Variants in OSBPL3 observed in about 807,000 individuals in gnomAD.
OSBPL3 encodes the protein oxysterol-binding protein-related protein 3.
In OSBPL3, 65 loss-of-function variants were observed where a neutral mutation model predicts 120.1. That is an observed-to-expected ratio of 0.54 (90% CI 0.44 to 0.67). The LOEUF (loss-of-function observed/expected upper bound fraction) is 0.67, where lower values mean the gene tolerates loss of function less well. Among genes scored for constraint, OSBPL3 ranks in the 30% least tolerant of loss-of-function variants. The pLI, the probability that OSBPL3 is intolerant of heterozygous loss-of-function variation, is 0.00. For synonymous variants in OSBPL3, 416 were observed against 402.6 expected, an observed-to-expected ratio of 1.03 and a Z score of -0.40; for missense variants, 1,004 against 1,082.1, an observed-to-expected ratio of 0.93 and a Z score of 1.01.
At chr7:24,828,967 T>G (rs1584273601) in intron 16 of OSBPL3, among the ~76,000 whole-genome samples, 2 of 152,322 alleles carry the variant, frequency 1.3e-5, no homozygotes, top group Admixed American at 6.5e-5. Context: ...CCTCTTTCTG[T>G]CTTTGTGCAC....
At chr7:24,928,913 C>G (rs556880026) in intron 1 of OSBPL3, among the ~76,000 whole-genome samples, 46 of 152,320 alleles carry the variant, frequency 3.0e-4, no homozygotes, top group Non-Finnish European at 6.0e-4. Flanking sequence ...TGTTCACCAG[C>G]TGATGAACAT....
At position 24,955,508 on chromosome 7, in the gene OSBPL3, C is replaced by A. The variant is rs915056489; in HGVS notation, c.-150+24378G>T. 3.3e-5 allele frequency among the ~76,000 whole-genome samples: 5 copies of A among 152,192 alleles called. No individual in the cohort carries two copies. The highest frequency in any genetic ancestry group is 1.2e-4 in the African/African-American group (5 of 41,450). On this transcript the variant is annotated intron_variant, in intron 1 of 22. Transcript: ENST00000313367. This position sits in a 1 kb window ranked among gnomAD's most constrained non-coding sequence, Gnocchi z 4.3. ...AGAGGCTACTGGGGTGGCCTCAGGG[C>A]CTTTGCACTTCTTGTTTTCTCTAAG...
chr7:24,948,571 C>A (rs1410344526), intron 1 of OSBPL3, among the ~76,000 whole-genome samples: 1 of 152,174 alleles, frequency 6.6e-6, no homozygotes, highest in African/African-American at 2.4e-5. Flanking sequence ...CTTCTTCCAG[C>A]CCTATTCTAT....
chr7:24,958,621 T>A (rs1815355464), intron 1 of OSBPL3, among the ~76,000 whole-genome samples: 5 of 152,186 alleles, frequency 3.3e-5, no homozygotes, highest in Admixed American at 3.3e-4. Context: ...TTTTAACACT[T>A]CATAACAGTA....
At chr7:24,810,302 T>C in intron 19 of OSBPL3, 1 of 173,904 alleles carries the variant, frequency 5.8e-6, no homozygotes, top group Non-Finnish European at 1.2e-5. Flanking sequence ...GGCAGGCAGA[T>C]CACCTAAGGT....
At chr7:24,812,930 G>A (rs955911185) in intron 19 of OSBPL3, among the ~76,000 whole-genome samples, 3 of 152,220 alleles carry the variant, frequency 2.0e-5, no homozygotes, top group Admixed American at 6.5e-5. Flanking sequence ...CCAGAGTAGA[G>A]TGCAGTGGTG....
rs1438194373 is a variant in OSBPL3 at position 24,830,825 on chromosome 7, A to T, written c.1827T>A (p.Leu609=). 1 of 1,614,142 alleles carries T rather than the reference A, an allele frequency of 6.2e-7. No homozygotes were observed. The highest frequency in any genetic ancestry group is 1.7e-5 in the Admixed American group (1 of 60,022). Residue 609 remains leucine (L), a synonymous_variant, in exon 16 of 23, where the codon CTT becomes CTA. Transcript: ENST00000313367. This position sits in a 1 kb window ranked among gnomAD's most constrained non-coding sequence, Gnocchi z 4.4. ...CCCGAATACATTCATATGTTTCTCC[A>T]AGAACCGGATTAAATGGCTTGCTTC... ...RAGSKPFNPV[L]GETYECIRED...
Position 24,804,566 on chromosome 7 carries a change from A to G in OSBPL3, c.2445-129T>C. 1 of 760,352 alleles carries G rather than the reference A, an allele frequency of 1.3e-6. No homozygotes were observed. The highest frequency in any genetic ancestry group is 2.1e-6 in the Non-Finnish European group (1 of 476,642). The allele number at this position is 760,352 out of a possible 1,614,324, so 47.1% of individuals were successfully genotyped here. ...TCTCCTATACGTAAGACCCCGCCCC[A>G]ACCGTTTAATCCGTATCTTGAAGTA... On this transcript the variant is annotated intron_variant, in intron 21 of 22. Coordinates refer to ENST00000313367, the MANE Select transcript of OSBPL3 (RefSeq NM_015550.4). This position sits in a 1 kb window ranked among gnomAD's most constrained non-coding sequence, Gnocchi z 5.4.
chr7:24,800,709 G>A (rs1792213940), intron 22 of OSBPL3, among the ~76,000 whole-genome samples: 1 of 151,870 alleles, frequency 6.6e-6, no homozygotes, highest in East Asian at 2.0e-4. Flanking sequence ...CACCCACTTC[G>A]GACTCCCAAA....
chr7:24,874,631 T>A (rs1413536310), intron 2 of OSBPL3, among the ~76,000 whole-genome samples: 1 of 152,144 alleles, frequency 6.6e-6, no homozygotes, highest in Non-Finnish European at 1.5e-5. Context: ...TTAAAGCACA[T>A]CTGTTGGCCC....
chr7:24,968,794 T>C lies in OSBPL3; in HGVS notation c.-150+11092A>G, dbSNP rs1816680865. The stretch of plus-strand genomic sequence containing the variant: ...TAAAATATATATTATATATGGATAT[T>C]CTATACTTCACTTTTTTCTTAACTT... On this transcript the variant is annotated intron_variant, in intron 1 of 22. Transcript: ENST00000313367. This position sits in a 1 kb window ranked among gnomAD's most constrained non-coding sequence, Gnocchi z 4.6. Among the ~76,000 whole-genome samples the C allele has an allele frequency of 6.6e-6, 1 of 152,204 alleles. No individual in the cohort carries two copies. The highest frequency in any genetic ancestry group is 2.1e-4 in the South Asian group (1 of 4,834).
intron 1 of OSBPL3, among the ~76,000 whole-genome samples, chr7:24,979,332 T>C (rs1008436677): frequency 1.3e-5 from 2 of 150,964 alleles, no homozygotes; most frequent in Non-Finnish European, 2.9e-5. Flanking sequence ...CTGATGAATA[T>C]GTAAATTCAG....
intron 1 of OSBPL3, among the ~76,000 whole-genome samples, chr7:24,948,388 AT>A (rs5882958): frequency 2.0e-5 from 3 of 150,820 alleles, no homozygotes; most frequent in Non-Finnish European, 4.4e-5. Context: ...GATTTACCTC[AT>A]TTTTTTTTTA....
chr7:24,823,725 A>C (rs1795380723), intron 16 of OSBPL3, among the ~76,000 whole-genome samples: 1 of 152,224 alleles, frequency 6.6e-6, no homozygotes, highest in Non-Finnish European at 1.5e-5. Flanking sequence ...ATCTGCTGTT[A>C]ATGTCTTCTT....
chr7:24,929,903 T>TATA (rs561323364), intron 1 of OSBPL3, among the ~76,000 whole-genome samples: 1 of 152,350 alleles, frequency 6.6e-6, no homozygotes, highest in South Asian at 2.1e-4. Flanking sequence ...GCTGTATGCT[T>TATA]ATACAATATC....
intron 1 of OSBPL3, among the ~76,000 whole-genome samples, chr7:24,969,394 G>A (rs1412100960): frequency 6.6e-6 from 1 of 152,138 alleles, no homozygotes; most frequent in Non-Finnish European, 1.5e-5. Context: ...TTTGTGATAT[G>A]CATTGCAATT....
chr7:24,914,268 A>G (rs1050244994), intron 1 of OSBPL3, among the ~76,000 whole-genome samples: 1 of 151,842 alleles, frequency 6.6e-6, no homozygotes, highest in Non-Finnish European at 1.5e-5. Flanking sequence ...GCCATTGGAC[A>G]GCAGAGCCAG....
Position 24,970,568 on chromosome 7 carries a change from T to C in OSBPL3, c.-150+9318A>G, listed in dbSNP as rs949661597. On this transcript the variant is annotated intron_variant, in intron 1 of 22. Transcript: ENST00000313367. ...AAAGATGGATCAATATATAGAGATA[T>C]AGATACAGATAGATAGATATAAAAA... Among the ~76,000 whole-genome samples the C allele has an allele frequency of 3.3e-5, 5 of 152,128 alleles. No individual in the cohort carries two copies. The East Asian group carries it at 7.7e-4, about 23-fold the overall frequency.
intron 5 of OSBPL3, among the ~76,000 whole-genome samples, chr7:24,866,583 G>A (rs1801350141): frequency 6.6e-6 from 1 of 152,128 alleles, no homozygotes; most frequent in African/African-American, 2.4e-5. Flanking sequence ...TGAGGCTGCA[G>A]TGAACCGAGA....
Sources: gnomAD v4.1 joint callset for allele counts (sites outside exome capture counted in the v4.1 genomes callset) on GRCh38, gnomAD v4.1.1 for gene constraint, Gnocchi (gnomAD v3.1) non-coding constraint, MANE v1.5 for transcripts, NCBI Gene and HGNC (gene_info 2026-07-23, HGNC 2026-07-21) for gene names.